RUBCN: variants seen among roughly 807,000 people sequenced by gnomAD.
The protein encoded by RUBCN is run domain Beclin-1-interacting and cysteine-rich domain-containing protein.
A neutral mutation model predicts 113.2 loss-of-function variants in RUBCN; 74 were observed. The ratio of observed to expected loss-of-function variants is 0.65; its 90% CI spans 0.54 to 0.79. The LOEUF is 0.79. RUBCN is among the 30% of genes least tolerant of loss of function. The probability of loss-of-function intolerance (pLI) is 0.00; values close to 1 mark genes in which losing one functional copy is unlikely to be tolerated. For missense variants in RUBCN, 1,109 were observed against 1,251.7 expected, an observed-to-expected ratio of 0.89 and a Z score of 1.72; for synonymous variants, 480 against 490.0, an observed-to-expected ratio of 0.98 and a Z score of 0.27.
At chr3:197,734,515 T>A (rs1727901905) in intron 1 of RUBCN, among the ~76,000 whole-genome samples, 1 of 152,078 alleles carries the variant, frequency 6.6e-6, no homozygotes, top group South Asian at 2.1e-4. Flanking sequence ...ACCCTGTCCA[T>A]TTCTCAGCTT....
chr3:197,729,063 G>A (rs1284570693), intron 1 of RUBCN, among the ~76,000 whole-genome samples: 7 of 150,912 alleles, frequency 4.6e-5, no homozygotes, highest in African/African-American at 1.2e-4. Context: ...GGAGAATGGC[G>A]TGAACCCGGG....
At position 197,702,602 on chromosome 3, in the gene RUBCN, G is replaced by A. The variant is rs149004391; in HGVS notation, c.571-738C>T. On this transcript the variant is annotated intron_variant, in intron 5 of 19. Coordinates refer to ENST00000296343, the MANE Select transcript of RUBCN (RefSeq NM_014687.4). ...CACTTGAACCCGGGAGGCGGAGGCT[G>A]CAGTGAGCCAAGATCATGCCACTGC... 5.9e-3 allele frequency among the ~76,000 whole-genome samples: 895 copies of A among 152,308 alleles called. 4 individuals are homozygous for A. The highest frequency in any genetic ancestry group is 0.011 in the African/African-American group (457 of 41,552).
At chr3:197,717,552 G>GA (rs1324386469) in intron 2 of RUBCN, among the ~76,000 whole-genome samples, 1 of 152,168 alleles carries the variant, frequency 6.6e-6, no homozygotes, top group Non-Finnish European at 1.5e-5. Context: ...TAGAGAAGCT[G>GA]GAAAAGGCAA....
intron 1 of RUBCN, among the ~76,000 whole-genome samples, chr3:197,731,969 C>T (rs1002952613): frequency 9.2e-5 from 14 of 152,254 alleles, no homozygotes; most frequent in African/African-American, 3.4e-4. Flanking sequence ...CTGGTGACTG[C>T]TTACATATGG....
In RUBCN at chr3:197,675,520, G is replaced by A. The variant is rs200605915; in HGVS notation, c.2647-5C>T. Reference sequence around the variant, plus strand: ...GAAGCCTTTGGCTTGGCAGAGCTGGGGAGGAAAAACACAGATGGCAAAATG... The same window carrying A: ...GAAGCCTTTGGCTTGGCAGAGCTGGAGAGGAAAAACACAGATGGCAAAATG... On this transcript the variant is annotated splice_region_variant and splice_polypyrimidine_tract_variant and intron_variant, in intron 18 of 19. Coordinates refer to ENST00000296343, the MANE Select transcript of RUBCN (RefSeq NM_014687.4). The surrounding 1 kb of genome is among the most constrained non-coding windows in gnomAD (Gnocchi z 4.4). The A allele has an allele frequency of 1.8e-4, 284 of 1,612,330 alleles. 1 individual carries two copies. The African/African-American group carries it at 3.3e-3, about 19-fold the overall frequency.
At position 197,674,065 on chromosome 3, in the gene RUBCN, G is replaced by A. The variant is rs933786688; in HGVS notation, c.*953C>T. 2.6e-5 allele frequency: 4 copies of A among 152,308 alleles called. No homozygotes were observed. The highest frequency in any genetic ancestry group is 9.7e-5 in the African/African-American group (4 of 41,436). The allele number at this position is 152,308 out of a possible 1,614,324, so 9.4% of individuals were successfully genotyped here. On this transcript the variant is annotated 3_prime_UTR_variant, in exon 20 of 20. Coordinates refer to ENST00000296343, the MANE Select transcript of RUBCN (RefSeq NM_014687.4). ...ATCTAACAGAGGACAGAGTCATCAG[G>A]GACACGCTAAGAAGATGGTGGGTGA...
chr3:197,734,375 G>C (rs919562614), intron 1 of RUBCN, among the ~76,000 whole-genome samples: 10 of 150,060 alleles, frequency 6.7e-5, no homozygotes, highest in African/African-American at 2.2e-4. Flanking sequence ...TTTGAGACCA[G>C]CCTAGGCAAC....
rs201067302 is a variant in RUBCN at position 197,710,169 on chromosome 3, C to CAAA, written c.220-4997_220-4995dup. 4.2e-5 allele frequency among the ~76,000 whole-genome samples: 5 copies of CAAA among 119,614 alleles called. No homozygotes were observed. In the East Asian group the frequency reaches 9.8e-4, roughly 23 times the overall value. The allele number at this position is 119,614 out of a possible 152,430, so 78.5% of individuals were successfully genotyped here. ...TGGGCAACAGAGTGAGACTCTGTCT[C>CAAA]AAAAAAAAAAAAAAATCACACAGTA... On this transcript the variant is annotated intron_variant, in intron 2 of 19. Transcript: ENST00000296343.
intron 11 of RUBCN, 109 bp downstream of exon 11, chr3:197,693,603 TAAC>T: frequency 1.3e-6 from 1 of 790,944 alleles, no homozygotes; most frequent in East Asian, 2.7e-5. Context: ...TTACAATAGC[TAAC>T]AACAATCCAT....
In RUBCN at chr3:197,677,383, T is replaced by C; in HGVS notation, c.2492+97A>G. ...ACTTTACAGTTCTGCAAAATCTCTC[T>C]ACTCTCCTTCGTTACATAACAAGAG... On this transcript the variant is annotated intron_variant, in intron 17 of 19. Transcript: ENST00000296343. 2 of 1,037,114 alleles carry C rather than the reference T, an allele frequency of 1.9e-6. 1 individual carries two copies. The highest frequency in any genetic ancestry group is 3.4e-5 in the Admixed American group (2 of 59,088). 64.2% of individuals were successfully genotyped at this position (1,037,114 alleles called of 1,614,324 possible).
At chr3:197,695,688 G>A (rs1385080238) in intron 9 of RUBCN, among the ~76,000 whole-genome samples, 178 bp downstream of exon 9, 2 of 152,210 alleles carry the variant, frequency 1.3e-5, no homozygotes, top group Non-Finnish European at 2.9e-5. Context: ...TGGACTCAGT[G>A]AGGGGCACAT....
chr3:197,726,757 G>T (rs1160448176), intron 1 of RUBCN, among the ~76,000 whole-genome samples: 1 of 150,786 alleles, frequency 6.6e-6, no homozygotes, highest in Admixed American at 6.6e-5. Flanking sequence ...GGTCAGGCTG[G>T]TCTCAAACTC....
chr3:197,716,916 T>C (rs559131126), intron 2 of RUBCN, among the ~76,000 whole-genome samples: 2 of 152,006 alleles, frequency 1.3e-5, no homozygotes, highest in Admixed American at 1.3e-4. Flanking sequence ...AGACCAAGAA[T>C]TCAATACCAG....
At chr3:197,734,231 T>C (rs1323892705) in intron 1 of RUBCN, among the ~76,000 whole-genome samples, 1 of 150,786 alleles carries the variant, frequency 6.6e-6, no homozygotes, top group Non-Finnish European at 1.5e-5. Context: ...CACTCCAGCC[T>C]TGGCGACAGA....
intron 11 of RUBCN, among the ~76,000 whole-genome samples, chr3:197,687,313 A>G (rs1249460895): frequency 6.6e-6 from 1 of 152,254 alleles, no homozygotes; most frequent in Admixed American, 6.5e-5. Context: ...GAAGGAACTG[A>G]TTACCTTGAC....
intron 2 of RUBCN, among the ~76,000 whole-genome samples, chr3:197,711,502 C>A (rs1431694199): frequency 1.3e-5 from 2 of 152,042 alleles, no homozygotes; most frequent in Non-Finnish European, 2.9e-5. Context: ...GCAGGTATAG[C>A]AAAGAAAATC....
chr3:197,703,540 C>T lies in RUBCN; in HGVS notation c.570+8G>A. On this transcript the variant is annotated splice_region_variant and intron_variant, in intron 5 of 19. Coordinates refer to ENST00000296343, the MANE Select transcript of RUBCN (RefSeq NM_014687.4). ...GCATAGACGTGGATAATTCCTTGTC[C>T]CCTGTACCATGGACGCATCGATCTG... 1 of 1,592,308 alleles carries T rather than the reference C, an allele frequency of 6.3e-7. No homozygotes were observed. The highest frequency in any genetic ancestry group is 1.1e-5 in the South Asian group (1 of 90,572).
intron 2 of RUBCN, among the ~76,000 whole-genome samples, chr3:197,716,013 G>A (rs1057419469): frequency 1.3e-5 from 2 of 151,906 alleles, no homozygotes; most frequent in Non-Finnish European, 2.9e-5. Context: ...CTAATTACAC[G>A]AATCTTATCA....
intron 1 of RUBCN, among the ~76,000 whole-genome samples, chr3:197,729,094 C>A (rs1218183237): frequency 6.8e-6 from 1 of 146,450 alleles, no homozygotes; most frequent in African/African-American, 2.6e-5. Context: ...TGCAGTGAGC[C>A]GAGATTGTGC....
Sources: gnomAD v4.1 joint callset for allele counts (sites outside exome capture counted in the v4.1 genomes callset) on GRCh38, gnomAD v4.1.1 for gene constraint, Gnocchi (gnomAD v3.1) non-coding constraint, MANE v1.5 for transcripts, NCBI Gene and HGNC (gene_info 2026-07-23, HGNC 2026-07-21) for gene names.